Variants in ARMC3 observed in about 807,000 individuals in gnomAD.
The protein encoded by ARMC3 is armadillo repeat containing 3.
In ARMC3, 74 loss-of-function variants were observed where a neutral mutation model predicts 90.3. The ratio of observed to expected loss-of-function variants is 0.82; its 90% CI spans 0.68 to 0.99. The LOEUF is 0.99. ARMC3 is among the 50% of genes least tolerant of loss of function. The pLI is 0.00. For synonymous variants in ARMC3, 334 were observed against 361.8 expected (o/e 0.92, Z 0.87); for missense variants, 958 against 1,042.8 (o/e 0.92, Z 1.12).
intron 16 of ARMC3, among the ~76,000 whole-genome samples, chr10:23,018,482 A>T (rs186520255): frequency 1.3e-5 from 2 of 150,530 alleles, no homozygotes; most frequent in African/African-American, 4.9e-5. Flanking sequence ...GGCATCTATA[A>T]TGGTATCATT....
chr10:22,929,315 AGAAAG>A (rs144228471), intron 1 of ARMC3, among the ~76,000 whole-genome samples: 36,655 of 150,422 alleles, frequency 0.24, 6,434 homozygotes, highest in African/African-American at 0.5. Context: ...AAAAAGAAAA[AGAAAG>A]GAAAGGAAAG....
At chr10:22,930,230 G>T (rs1017658089) in intron 1 of ARMC3, among the ~76,000 whole-genome samples, 1 of 151,644 alleles carries the variant, frequency 6.6e-6, no homozygotes, top group African/African-American at 2.4e-5. Context: ...CAAGGTCTAG[G>T]GCCTGTTCAC....
chr10:22,970,628 T>C (rs1314405629), intron 8 of ARMC3, among the ~76,000 whole-genome samples: 1 of 152,158 alleles, frequency 6.6e-6, no homozygotes, highest in Admixed American at 6.5e-5. Context: ...CTAGGTGAGA[T>C]GTGAAGGTGC....
At chr10:22,965,300 T>C (rs1269628900) in intron 7 of ARMC3, among the ~76,000 whole-genome samples, 1 of 152,266 alleles carries the variant, frequency 6.6e-6, no homozygotes, top group African/African-American at 2.4e-5. Flanking sequence ...CTTTTGCCTT[T>C]AATTTTGAAA....
chr10:22,990,734 TTTCTC>T (rs1049983228), intron 10 of ARMC3, among the ~76,000 whole-genome samples: 2 of 151,966 alleles, frequency 1.3e-5, no homozygotes, highest in African/African-American at 2.4e-5. Flanking sequence ...CCCGGCAACT[TTTCTC>T]TCATTCTTTC....
intron 16 of ARMC3, among the ~76,000 whole-genome samples, chr10:23,021,362 T>A (rs750005705): frequency 1.3e-5 from 2 of 152,238 alleles, no homozygotes; most frequent in Non-Finnish European, 2.9e-5. Flanking sequence ...ATGGTAGTTC[T>A]GTTTTAAGTT....
Position 23,002,878 on chromosome 10 carries a change from G to T in ARMC3, c.1563-368G>T, listed in dbSNP as rs561643692. Among the ~76,000 whole-genome samples the T allele has an allele frequency of 5.9e-5, 9 of 152,170 alleles. No homozygotes were observed. In the South Asian group the frequency reaches 1.2e-3, roughly 21 times the overall value. On this transcript the variant is annotated intron_variant, in intron 12 of 18. Coordinates refer to ENST00000298032, the MANE Select transcript of ARMC3 (RefSeq NM_173081.5). ...CATAAGCCATCACATCTAGCCCCAG[G>T]TTTTAAGTTTCTATAGACAGGTTTC...
At chr10:22,958,477 A>G (rs1646511628) in intron 4 of ARMC3, among the ~76,000 whole-genome samples, 1 of 152,156 alleles carries the variant, frequency 6.6e-6, no homozygotes, top group Non-Finnish European at 1.5e-5. Context: ...ACAGTGACTC[A>G]ACTCTTCTGA....
In ARMC3 at chr10:23,032,973, A is replaced by G; in HGVS notation, c.2359A>G (p.Ile787Val). ...KFQLKSNVIPIGHVKKGIFYH... is the reference protein window; with the variant it reads ...KFQLKSNVIPVGHVKKGIFYH... ...TCAACTTAAATCCAATGTTATACCG[A>G]TTGGACATGTCAAAAAAGGAATCTT... Residue 787 changes from isoleucine to valine, a missense_variant, in exon 18 of 19, where the codon ATT becomes GTT. By Grantham distance (29) the Ile-to-Val change is conservative. Coordinates refer to ENST00000298032, the MANE Select transcript of ARMC3 (RefSeq NM_173081.5). 6.2e-7 allele frequency: 1 copy of G among 1,613,144 alleles called. No individual in the cohort carries two copies. The highest frequency in any genetic ancestry group is 2.2e-5 in the East Asian group (1 of 44,758).
Position 23,008,827 on chromosome 10 carries a change from T to C in ARMC3, c.1941T>C (p.Tyr647=), listed in dbSNP as rs1053139055. The C allele has an allele frequency of 3.7e-6, 6 of 1,612,216 alleles. No individual in the cohort carries two copies. The highest frequency in any genetic ancestry group is 3.3e-5 in the Admixed American group (2 of 59,900). The change falls in exon 16 of 19, where the codon TAT becomes TAC. Residue 647 remains tyrosine (Y), a synonymous_variant. Coordinates refer to ENST00000298032, the MANE Select transcript of ARMC3 (RefSeq NM_173081.5). ...TTCAAATGACAAGAAAAAATAGTTA[T>C]CATTTTAGTGCTGGATTTGGATCTC... is the stretch of plus-strand genomic sequence containing the variant. ...SSKEKNKKNS[Y]HFSAGFGSPI...
intron 2 of ARMC3, among the ~76,000 whole-genome samples, chr10:22,934,773 C>T (rs1171137): frequency 0.19 from 28,393 of 152,086 alleles, 3,313 homozygotes; most frequent in East Asian, 0.45. Flanking sequence ...ATGCTTAGAA[C>T]AGTGCCTGGC....
At chr10:23,003,463 T>C in intron 13 of ARMC3, 49 bp downstream of exon 13, 1 of 1,409,116 alleles carries the variant, frequency 7.1e-7, no homozygotes, top group Non-Finnish European at 9.4e-7. Context: ...TAATAATTTT[T>C]CTTTAATCCT....
intron 8 of ARMC3, among the ~76,000 whole-genome samples, chr10:22,968,834 C>G (rs1473821005): frequency 6.6e-6 from 1 of 152,120 alleles, no homozygotes; most frequent in East Asian, 1.9e-4. Flanking sequence ...CCTCTTGTCT[C>G]AATTTTGATT....
chr10:23,013,833 CTG>C (rs1205761511), intron 16 of ARMC3, among the ~76,000 whole-genome samples: 1 of 149,540 alleles, frequency 6.7e-6, no homozygotes, highest in African/African-American at 2.5e-5. Context: ...GAACAATGAG[CTG>C]TTTGAGATCT....
Position 22,998,271 on chromosome 10 carries a change from G to A in ARMC3, c.1299G>A (p.Leu433=). The part of the protein sequence containing the change: ...TNMAMQEPLR[L]NIQNHDIMHA... ...TGGCCATGCAGGAGCCCCTGCGCCTGAACATACAGAATCACGACATCATGC... is the reference window on the plus strand; with the variant it reads ...TGGCCATGCAGGAGCCCCTGCGCCTAAACATACAGAATCACGACATCATGC... Residue 433 remains leucine (L), a synonymous_variant, in exon 11 of 19, where the codon CTG becomes CTA. Coordinates refer to ENST00000298032, the MANE Select transcript of ARMC3 (RefSeq NM_173081.5). 6.2e-7 allele frequency: 1 copy of A among 1,612,262 alleles called. No individual in the cohort carries two copies. The highest frequency in any genetic ancestry group is 8.5e-7 in the Non-Finnish European group (1 of 1,179,074).
intron 10 of ARMC3, among the ~76,000 whole-genome samples, chr10:22,994,006 A>G (rs1417077656): frequency 6.6e-6 from 1 of 152,264 alleles, no homozygotes; most frequent in Non-Finnish European, 1.5e-5. Context: ...TGAGTGCTGC[A>G]AAATAACATT....
At chr10:23,008,735 G>A (rs948329182) in intron 15 of ARMC3, 80 bp from the exon 16 acceptor site, 4 of 1,184,606 alleles carry the variant, frequency 3.4e-6, no homozygotes, top group South Asian at 2.8e-5. Context: ...AAAATGCCTT[G>A]TAAGCTCTAA....
At chr10:22,975,245 A>G (rs1218772195) in intron 8 of ARMC3, among the ~76,000 whole-genome samples, 5 of 152,082 alleles carry the variant, frequency 3.3e-5, no homozygotes, top group Non-Finnish European at 5.9e-5. Flanking sequence ...GCATCATAAC[A>G]TTTCTCCTTA....
intron 16 of ARMC3, among the ~76,000 whole-genome samples, chr10:23,029,022 G>C (rs1463165102): frequency 6.6e-6 from 1 of 152,154 alleles, no homozygotes; most frequent in East Asian, 1.9e-4. Flanking sequence ...CCAAATAGCA[G>C]AAGGTCTGAG....
Sources: allele counts gnomAD v4.1 joint callset (sites outside exome capture counted in the v4.1 genomes callset), GRCh38; gene constraint gnomAD v4.1.1; transcripts MANE v1.5; gene names NCBI Gene and HGNC (gene_info 2026-07-23, HGNC 2026-07-21).